RAB3GAP1: variants seen among roughly 807,000 people sequenced by gnomAD.
RAB3GAP1 encodes RAB3 GTPase activating protein catalytic subunit 1, also known as rab3 GTPase-activating protein catalytic subunit.
A neutral mutation model predicts 130.7 loss-of-function variants in RAB3GAP1; 86 were observed. That is an observed-to-expected ratio of 0.66 (90% CI 0.55 to 0.79). The LOEUF is 0.79. Ranked by LOEUF, RAB3GAP1 falls within the 30% of genes least tolerant of loss-of-function variation. The pLI is 0.00. For missense variants in RAB3GAP1, 1,029 were observed against 1,169.4 expected (o/e 0.88, Z 1.75); for synonymous variants, 367 against 401.7 (o/e 0.91, Z 1.03).
intron 3 of RAB3GAP1, among the ~76,000 whole-genome samples, chr2:135,072,551 A>C (rs149956781): frequency 6.6e-6 from 1 of 152,224 alleles, no homozygotes; most frequent in African/African-American, 2.4e-5. Context: ...TAGAGAGACT[A>C]TTATGCTTTA....
intron 5 of RAB3GAP1, among the ~76,000 whole-genome samples, chr2:135,105,105 T>C (rs1349833564): frequency 6.6e-6 from 1 of 152,078 alleles, no homozygotes; most frequent in Non-Finnish European, 1.5e-5. Flanking sequence ...CAGTGTCAAG[T>C]GTTCCAAAGC....
At chr2:135,087,188 CT>C (rs1169306378) in intron 3 of RAB3GAP1, among the ~76,000 whole-genome samples, 1 of 152,176 alleles carries the variant, frequency 6.6e-6, no homozygotes, top group Admixed American at 6.5e-5. Flanking sequence ...TATTTCCCCC[CT>C]GAATTCCAGT....
At chr2:135,097,377 G>A (rs576482079) in intron 5 of RAB3GAP1, among the ~76,000 whole-genome samples, 11 of 152,012 alleles carry the variant, frequency 7.2e-5, no homozygotes, top group East Asian at 5.8e-4. Flanking sequence ...CACCATGCCC[G>A]GCTAAGTTGG....
intron 17 of RAB3GAP1, among the ~76,000 whole-genome samples, chr2:135,147,620 C>CCT (rs1486319763): frequency 6.8e-6 from 1 of 147,488 alleles, no homozygotes; most frequent in Non-Finnish European, 1.5e-5. Context: ...TCCCCTCCCC[C>CCT]CCCCTTTTTT....
intron 13 of RAB3GAP1, among the ~76,000 whole-genome samples, chr2:135,131,345 C>T (rs2104944575): frequency 6.6e-6 from 1 of 152,288 alleles, no homozygotes; most frequent in Middle Eastern, 3.4e-3. Flanking sequence ...CCTGCCTCAG[C>T]CTCCCTAGTA....
chr2:135,158,628 A>G (rs1379163350), intron 19 of RAB3GAP1, among the ~76,000 whole-genome samples: 1 of 152,220 alleles, frequency 6.6e-6, no homozygotes, highest in East Asian at 1.9e-4. Flanking sequence ...TCATTTTGCA[A>G]CCATGTTCAT....
chr2:135,152,307 A>G (rs1692199528), intron 18 of RAB3GAP1, among the ~76,000 whole-genome samples: 1 of 152,244 alleles, frequency 6.6e-6, no homozygotes, highest in Non-Finnish European at 1.5e-5. Context: ...CTTTAACAGT[A>G]AAGAGAAGAT....
chr2:135,058,167 A>G (rs955260671), intron 3 of RAB3GAP1, 81 bp downstream of exon 3: 1 of 1,168,618 alleles, frequency 8.6e-7, no homozygotes. Flanking sequence ...CATTTGGCAC[A>G]TTTGAATTAA....
intron 2 of RAB3GAP1, among the ~76,000 whole-genome samples, chr2:135,052,896 T>C (rs576063014): frequency 1.3e-5 from 2 of 152,344 alleles, no homozygotes; most frequent in African/African-American, 4.8e-5. Context: ...CCCGTGTACG[T>C]TGGTATACCC....
rs1322478945 is a variant in RAB3GAP1, at chr2:135,053,169, A to C, written c.74+684A>C. ...ATTACGCCCAACTAATTTTTTAAAG[A>C]TCTCGCTGTGTTGCCCAGGCTAGTC... On this transcript the variant is annotated intron_variant, in intron 2 of 23. Coordinates refer to ENST00000264158, the MANE Select transcript of RAB3GAP1 (RefSeq NM_012233.3). Among the ~76,000 whole-genome samples, 5 of 152,096 alleles carry C rather than the reference A, an allele frequency of 3.3e-5. No homozygotes were observed. In the East Asian group the frequency reaches 9.7e-4, roughly 29 times the overall value.
chr2:135,113,050 T>G, intron 5 of RAB3GAP1, 101 bp from the exon 6 acceptor site: 1 of 1,519,894 alleles, frequency 6.6e-7, no homozygotes, highest in East Asian at 2.3e-5. Context: ...TAAACCTGAC[T>G]TGTTAAATTT....
At chr2:135,091,259 C>T (rs1690134416) in intron 4 of RAB3GAP1, 129 bp downstream of exon 4, 1 of 802,420 alleles carries the variant, frequency 1.2e-6, no homozygotes, top group South Asian at 1.8e-5. Flanking sequence ...AAAGTTGTTT[C>T]ACCACATCTG....
At chr2:135,120,177 T>C (rs1350867845) in intron 7 of RAB3GAP1, among the ~76,000 whole-genome samples, 1 of 152,220 alleles carries the variant, frequency 6.6e-6, no homozygotes, top group Admixed American at 6.5e-5. Context: ...TTTTCACATT[T>C]AATATGTCTG....
intron 3 of RAB3GAP1, chr2:135,058,311 A>G (rs548070271): frequency 3.8e-4 from 91 of 239,006 alleles, no homozygotes; most frequent in Middle Eastern, 1.6e-3. Context: ...GTGTGTGTGT[A>G]TATATATATA....
At chr2:135,157,804 C>A (rs1409195307) in intron 19 of RAB3GAP1, among the ~76,000 whole-genome samples, 2 of 148,528 alleles carry the variant, frequency 1.3e-5, no homozygotes, top group Non-Finnish European at 3.0e-5. Flanking sequence ...TGCACTCCAG[C>A]CTGGGTGACA....
chr2:135,092,109 G>A (rs971440333), intron 4 of RAB3GAP1, among the ~76,000 whole-genome samples: 1 of 152,016 alleles, frequency 6.6e-6, no homozygotes, highest in Non-Finnish European at 1.5e-5. Flanking sequence ...ATAAACCAGG[G>A]CAGATAACAT....
chr2:135,149,017 C>T (rs1434674166), intron 17 of RAB3GAP1, among the ~76,000 whole-genome samples: 1 of 152,130 alleles, frequency 6.6e-6, no homozygotes, highest in African/African-American at 2.4e-5. Context: ...TATTCAGAAA[C>T]AGTATATGTG....
chr2:135,110,106 G>C (rs1480132047), intron 5 of RAB3GAP1, among the ~76,000 whole-genome samples: 1 of 151,774 alleles, frequency 6.6e-6, no homozygotes, highest in African/African-American at 2.4e-5. Context: ...AAAGAAGAGA[G>C]TACATTTATC....
At chr2:135,105,908 T>C (rs1348866411) in intron 5 of RAB3GAP1, among the ~76,000 whole-genome samples, 2 of 139,496 alleles carry the variant, frequency 1.4e-5, no homozygotes, top group African/African-American at 5.6e-5. Context: ...GTGAGGAGCA[T>C]CTCTGCCCGG....
Sources: allele counts gnomAD v4.1 joint callset (sites outside exome capture counted in the v4.1 genomes callset), GRCh38; gene constraint gnomAD v4.1.1; transcripts MANE v1.5; gene names NCBI Gene and HGNC (gene_info 2026-07-23, HGNC 2026-07-21).